ACSL3: variants seen among roughly 807,000 people sequenced by gnomAD.
The protein encoded by ACSL3 is acyl-CoA synthetase long chain family member 3, also known as fatty acid CoA ligase Acsl3.
ACSL3 carries 34 observed loss-of-function variants against 84.7 expected under a neutral mutation model. The ratio of observed to expected loss-of-function variants is 0.40; its 90% confidence interval spans 0.31 to 0.53. The LOEUF is 0.53. ACSL3 is among the 20% of genes least tolerant of loss of function. The pLI, the probability that ACSL3 is intolerant of heterozygous loss-of-function variation, is 0.48. For missense variants in ACSL3, 680 were observed against 873.1 expected (o/e 0.78, Z 2.79); for synonymous variants, 315 against 299.4 (o/e 1.05, Z -0.54).
intron 2 of ACSL3, among the ~76,000 whole-genome samples, chr2:222,888,359 G>T (rs78699091): frequency 1.3e-5 from 2 of 152,204 alleles, no homozygotes; most frequent in East Asian, 3.9e-4. Context: ...TATTCTTTCT[G>T]TGTCATCTGA....
intron 15 of ACSL3, chr2:222,933,581 G>A: frequency 4.8e-6 from 1 of 210,302 alleles, no homozygotes. Context: ...CTGTCCCTCA[G>A]CAGGGGAAGC....
At chr2:222,910,063 G>T (rs1388425676) in intron 4 of ACSL3, among the ~76,000 whole-genome samples, 1 of 152,166 alleles carries the variant, frequency 6.6e-6, no homozygotes, top group Admixed American at 6.5e-5. Flanking sequence ...GTATATATCT[G>T]CAATGTGCTT....
chr2:222,885,438 C>T (rs867449331), intron 1 of ACSL3, among the ~76,000 whole-genome samples: 1 of 151,848 alleles, frequency 6.6e-6, no homozygotes, highest in African/African-American at 2.4e-5. Context: ...ATTTGTATTT[C>T]CTTGATAATT....
intron 5 of ACSL3, 114 bp from the exon 6 acceptor site, chr2:222,917,932 G>A (rs1559296080): frequency 1.4e-6 from 1 of 697,820 alleles, no homozygotes; most frequent in South Asian, 2.0e-5. Flanking sequence ...ATAGACTGTG[G>A]ATTTAACAGT....
Position 222,942,877 on chromosome 2 carries a change from T to A in ACSL3, c.*1223T>A, listed in dbSNP as rs958087925. 4.5e-6 allele frequency: 1 copy of A among 220,466 alleles called. No individual in the cohort carries two copies. Among genetic ancestry groups the A allele is most frequent in the African/African-American group, 2.3e-5 (1 of 43,562 alleles). The allele number at this position is 220,466 out of a possible 1,614,324, so 13.7% of individuals were successfully genotyped here. ...TAGGTTTTGATGTCATTGTTGAAGT[T>A]ATTTGTAATTCAGAAACCTTGCTTG... On this transcript the variant is annotated 3_prime_UTR_variant, in exon 17 of 17. Coordinates refer to ENST00000357430, the MANE Select transcript of ACSL3 (RefSeq NM_004457.5).
intron 1 of ACSL3, among the ~76,000 whole-genome samples, chr2:222,863,907 A>G (rs1222005181): frequency 1.3e-5 from 2 of 152,220 alleles, no homozygotes; most frequent in African/African-American, 2.4e-5. Context: ...AATAAAAAAG[A>G]TGAACTTGCC....
intron 16 of ACSL3, among the ~76,000 whole-genome samples, chr2:222,939,817 G>C (rs1426441812): frequency 1.3e-5 from 2 of 152,138 alleles, no homozygotes; most frequent in East Asian, 3.8e-4. Flanking sequence ...TGTTTCTGTA[G>C]GGGAAGGAGG....
At chr2:222,898,019 G>A (rs1696032362) in intron 2 of ACSL3, among the ~76,000 whole-genome samples, 1 of 151,728 alleles carries the variant, frequency 6.6e-6, no homozygotes, top group South Asian at 2.1e-4. Flanking sequence ...CTCTTCATTT[G>A]AGCTTTGGTC....
At position 222,941,896 on chromosome 2, in the gene ACSL3, A is replaced by G. The variant is rs918005352; in HGVS notation, c.*242A>G. ...ACCACCTATGACTGTACTTGTCAGTATGAGAATTTTTCTGAATCATATTGG... is the reference window on the plus strand; with the variant it reads ...ACCACCTATGACTGTACTTGTCAGTGTGAGAATTTTTCTGAATCATATTGG... On this transcript the variant is annotated 3_prime_UTR_variant, in exon 17 of 17. Coordinates refer to ENST00000357430, the MANE Select transcript of ACSL3 (RefSeq NM_004457.5). 1 of 358,282 alleles carries G rather than the reference A, an allele frequency of 2.8e-6. No homozygotes were observed. The highest frequency in any genetic ancestry group is 5.0e-6 in the Non-Finnish European group (1 of 201,688). 22.2% of individuals were successfully genotyped at this position (358,282 alleles called of 1,614,324 possible).
At chr2:222,929,295 GA>G (rs1318532710) in intron 13 of ACSL3, among the ~76,000 whole-genome samples, 6 of 55,734 alleles carry the variant, frequency 1.1e-4, no homozygotes, top group African/African-American at 4.1e-4. Flanking sequence ...ATTTTTAAAT[GA>G]TTTTTTTCTT....
intron 16 of ACSL3, among the ~76,000 whole-genome samples, chr2:222,936,608 T>TCCA (rs1697175930): frequency 7.6e-6 from 1 of 131,188 alleles, no homozygotes; most frequent in African/African-American, 2.9e-5. Flanking sequence ...TTCTGCACCC[T>TCCA]CCCCCCCCAC....
intron 3 of ACSL3, among the ~76,000 whole-genome samples, chr2:222,904,489 G>C (rs545985138): frequency 6.6e-6 from 1 of 152,118 alleles, no homozygotes; most frequent in Non-Finnish European, 1.5e-5. Flanking sequence ...TCATGCTGTG[G>C]ATGTTTTCTT....
intron 1 of ACSL3, among the ~76,000 whole-genome samples, chr2:222,866,208 T>C (rs12471915): frequency 0.61 from 91,996 of 151,868 alleles, 28,710 homozygotes; most frequent in African/African-American, 0.7. Flanking sequence ...TGCAGTGGCA[T>C]GATCTCGGCT....
intron 13 of ACSL3, among the ~76,000 whole-genome samples, chr2:222,930,369 G>GA (rs1421153968): frequency 1.3e-5 from 2 of 152,164 alleles, no homozygotes; most frequent in African/African-American, 4.8e-5. Flanking sequence ...ACAACAAATG[G>GA]AAGATGTTGG....
At chr2:222,919,297 G>A (rs1398493413) in intron 7 of ACSL3, 95 bp downstream of exon 7, 1 of 1,444,162 alleles carries the variant, frequency 6.9e-7, no homozygotes, top group Non-Finnish European at 9.3e-7. Flanking sequence ...TAGCTCAAAT[G>A]ACACATCAGT....
chr2:222,861,412 C>T (rs1407832002), intron 1 of ACSL3, among the ~76,000 whole-genome samples, 154 bp downstream of exon 1: 1 of 151,762 alleles, frequency 6.6e-6, no homozygotes, highest in African/African-American at 2.4e-5. Context: ...CGCGGGCGGC[C>T]CGCGGCACCA....
chr2:222,925,295 G>A (rs1187445631), intron 11 of ACSL3, among the ~76,000 whole-genome samples: 6 of 148,974 alleles, frequency 4.0e-5, no homozygotes, highest in East Asian at 2.0e-4. Flanking sequence ...AGCCGAGATC[G>A]TGCCACTGCA....
intron 1 of ACSL3, among the ~76,000 whole-genome samples, chr2:222,883,780 G>A (rs1695653745): frequency 6.6e-6 from 1 of 151,988 alleles, no homozygotes; most frequent in South Asian, 2.1e-4. Flanking sequence ...TTTAAAATGA[G>A]AATTAAATTT....
At chr2:222,871,542 C>T (rs1695302511) in intron 1 of ACSL3, among the ~76,000 whole-genome samples, 1 of 152,186 alleles carries the variant, frequency 6.6e-6, no homozygotes, top group Admixed American at 6.5e-5. Context: ...AAACATGTGG[C>T]ATTGGTCCTG....
Sources: allele counts gnomAD v4.1 joint callset (sites outside exome capture counted in the v4.1 genomes callset), GRCh38; gene constraint gnomAD v4.1.1; transcripts MANE v1.5; gene names NCBI Gene and HGNC (gene_info 2026-07-23, HGNC 2026-07-21).